The following RGS21 variants were observed in gnomAD, a reference collection of about 807,000 sequenced individuals.
RGS21 encodes regulator of G-protein signalling 21.
Under a neutral mutation model 18.7 loss-of-function variants are expected in RGS21, and 19 were observed. That is an observed-to-expected ratio of 1.01 (90% CI 0.71 to 1.49). The LOEUF (loss-of-function observed/expected upper bound fraction) is 1.49, where lower values mean the gene tolerates loss of function less well. Ranked by LOEUF, RGS21 falls within the 40% of genes most tolerant of loss-of-function variation. The pLI is 0.00. For synonymous variants in RGS21, 56 were observed against 57.8 expected (o/e 0.97, Z 0.14); for missense variants, 194 against 176.8 (o/e 1.10, Z -0.55).
intron 4 of RGS21, among the ~76,000 whole-genome samples, chr1:192,356,358 A>G (rs1404878961): frequency 1.3e-5 from 2 of 151,842 alleles, no homozygotes; most frequent in Non-Finnish European, 2.9e-5. Context: ...AGTATAACAC[A>G]ATGTGTTGCT....
chr1:192,335,721 G>A (rs1443129398), intron 1 of RGS21, among the ~76,000 whole-genome samples: 4 of 152,164 alleles, frequency 2.6e-5, no homozygotes, highest in Non-Finnish European at 5.9e-5. Context: ...GCTTCTAAGA[G>A]GGTATAATTT....
At chr1:192,320,259 C>T (rs1658477035) in intron 1 of RGS21, among the ~76,000 whole-genome samples, 1 of 148,480 alleles carries the variant, frequency 6.7e-6, no homozygotes, top group Non-Finnish European at 1.5e-5. Flanking sequence ...TCTAACATAC[C>T]TGCACTTGTA....
intron 3 of RGS21, among the ~76,000 whole-genome samples, chr1:192,348,617 G>C (rs564726993): frequency 5.9e-5 from 9 of 152,080 alleles, no homozygotes; most frequent in Non-Finnish European, 1.3e-4. Flanking sequence ...AAACATCCTA[G>C]TCTTTAATAA....
At chr1:192,353,337 T>C (rs957920225) in intron 4 of RGS21, among the ~76,000 whole-genome samples, 1 of 151,868 alleles carries the variant, frequency 6.6e-6, no homozygotes, top group Admixed American at 6.6e-5. Flanking sequence ...CTGGAATTCA[T>C]GGGGATGGAA....
intron 4 of RGS21, among the ~76,000 whole-genome samples, chr1:192,355,739 A>ATTACT (rs1659102738): frequency 6.6e-6 from 1 of 151,498 alleles, no homozygotes; most frequent in African/African-American, 2.4e-5. Context: ...TCAAGAAAAT[A>ATTACT]TTACTTAACT....
chr1:192,347,713 G>A (rs1375013009), intron 3 of RGS21, among the ~76,000 whole-genome samples: 2 of 152,140 alleles, frequency 1.3e-5, no homozygotes, highest in East Asian at 3.9e-4. Context: ...AGGCTGGAGT[G>A]CAGTGGCATG....
intron 1 of RGS21, among the ~76,000 whole-genome samples, chr1:192,342,175 A>T (rs923130526): frequency 6.6e-6 from 1 of 152,062 alleles, no homozygotes. Context: ...TCAATCTTTC[A>T]AGAGTTTTTA....
At chr1:192,319,526 A>G (rs1571445736) in intron 1 of RGS21, among the ~76,000 whole-genome samples, 1 of 152,228 alleles carries the variant, frequency 6.6e-6, no homozygotes, top group East Asian at 1.9e-4. Flanking sequence ...TACCTGAGTA[A>G]TCAAGCAACC....
At chr1:192,356,259 A>G (rs1050671950) in intron 4 of RGS21, among the ~76,000 whole-genome samples, 9 of 151,906 alleles carry the variant, frequency 5.9e-5, no homozygotes, top group African/African-American at 2.2e-4. Context: ...AATGTTTTTT[A>G]TTCTGTGCCT....
intron 4 of RGS21, among the ~76,000 whole-genome samples, chr1:192,355,812 T>G (rs1350389651): frequency 1.3e-5 from 2 of 151,134 alleles, no homozygotes; most frequent in Non-Finnish European, 3.0e-5. Context: ...TTAACATATT[T>G]AAAATATATA....
chr1:192,356,922 A>G (rs78166164), intron 4 of RGS21, among the ~76,000 whole-genome samples: 154 of 151,886 alleles, frequency 1.0e-3, no homozygotes, highest in Non-Finnish European at 1.7e-3. Flanking sequence ...TTGTTCATTA[A>G]TCAATACTTG....
chr1:192,363,402 TAAAC>T (rs1659213693), intron 4 of RGS21, among the ~76,000 whole-genome samples: 1 of 152,152 alleles, frequency 6.6e-6, no homozygotes, highest in Non-Finnish European at 1.5e-5. Flanking sequence ...AATATAAAGT[TAAAC>T]AAATCACAGA....
At chr1:192,329,955 C>T (rs549095247) in intron 1 of RGS21, among the ~76,000 whole-genome samples, 1 of 152,202 alleles carries the variant, frequency 6.6e-6, no homozygotes, top group Admixed American at 6.5e-5. Flanking sequence ...TGGTGAAGAG[C>T]TCCCTAAAGG....
intron 4 of RGS21, among the ~76,000 whole-genome samples, chr1:192,356,338 T>TA (rs1270263737): frequency 6.6e-6 from 1 of 151,758 alleles, no homozygotes; most frequent in Non-Finnish European, 1.5e-5. Flanking sequence ...AAACAGATAA[T>TA]AAACACGTAA....
rs963227654 is a variant in RGS21, at chr1:192,343,198, C to A, written c.11+151C>A. The A allele has an allele frequency of 1.2e-5, 10 of 804,638 alleles. No individual in the cohort carries two copies. The African/African-American group carries it at 1.7e-4, about 14-fold the overall frequency. The allele number at this position is 804,638 out of a possible 1,614,324, so 49.8% of individuals were successfully genotyped here. A position where few individuals can be genotyped will look rare whatever the true frequency, so the allele number is the denominator to read the frequency against. On this transcript the variant is annotated intron_variant, in intron 2 of 4. Transcript: ENST00000417209. ...TTTTTTCTCCTTTCTCTACTGATTT[C>A]TTCTTTTTGAAAACATGTCAAGAAT...
chr1:192,337,064 G>A (rs1658778040), intron 1 of RGS21, among the ~76,000 whole-genome samples: 1 of 151,766 alleles, frequency 6.6e-6, no homozygotes, highest in Admixed American at 6.6e-5. Context: ...AAAAGATGTT[G>A]AGCCATTCCC....
chr1:192,351,439 A>G (rs142617071), intron 3 of RGS21, among the ~76,000 whole-genome samples: 1 of 152,134 alleles, frequency 6.6e-6, no homozygotes, highest in East Asian at 1.9e-4. Context: ...GCACCAACTT[A>G]TAGCAACAAA....
At chr1:192,359,653 G>GTATATATATATATATATA (rs1202366412) in intron 4 of RGS21, among the ~76,000 whole-genome samples, 3,670 of 102,970 alleles carry the variant, frequency 0.036, 90 homozygotes, top group Non-Finnish European at 0.05. Flanking sequence ...ATGTGTGTGT[G>GTATATATATATATATATA]TGTATATATA....
intron 4 of RGS21, among the ~76,000 whole-genome samples, chr1:192,356,590 A>G (rs890260642): frequency 1.3e-5 from 2 of 151,834 alleles, no homozygotes; most frequent in African/African-American, 4.8e-5. Flanking sequence ...GCATATTGAG[A>G]TAAGACCTTC....
Sources: gnomAD v4.1 joint callset for allele counts (sites outside exome capture counted in the v4.1 genomes callset) on GRCh38, gnomAD v4.1.1 for gene constraint, MANE v1.5 for transcripts, NCBI Gene and HGNC (gene_info 2026-07-23, HGNC 2026-07-21) for gene names.